The following CSTPP1 variants were observed in gnomAD, a reference collection of about 807,000 sequenced individuals.
The protein encoded by CSTPP1 is centriolar satellite-associated tubulin polyglutamylase complex regulator 1.
At chr11:47,016,877 C>G in the CSTPP1 span, among the ~76,000 whole-genome samples, 21 of 122,886 alleles carry the variant, frequency 1.7e-4, no homozygotes, top group Admixed American at 2.3e-3. Context: ...GAGTCTCGCT[C>G]TGTCGCCCAG....
the CSTPP1 span, chr11:46,987,267 G>C: frequency 5.0e-6 from 8 of 1,614,188 alleles, no homozygotes; most frequent in South Asian, 8.8e-5. Context: ...AGAAAACAGG[G>C]AAGATATTAG....
chr11:47,161,304 G>A, the CSTPP1 span: 3 of 1,598,140 alleles, frequency 1.9e-6, no homozygotes, highest in East Asian at 4.5e-5. Context: ...ATCTGCCAGG[G>A]AAGGGTCTGG....
At chr11:47,002,400 G>A in the CSTPP1 span, among the ~76,000 whole-genome samples, 5 of 152,188 alleles carry the variant, frequency 3.3e-5, no homozygotes. Context: ...TAAAAATCCA[G>A]GGTCATTGAG....
the CSTPP1 span, among the ~76,000 whole-genome samples, chr11:47,005,169 A>G: frequency 6.6e-6 from 1 of 152,198 alleles, no homozygotes; most frequent in East Asian, 1.9e-4. Flanking sequence ...CAGAAAATTG[A>G]TGTAAAAACT....
chr11:47,031,991 C>T, the CSTPP1 span, among the ~76,000 whole-genome samples: 45 of 152,060 alleles, frequency 3.0e-4, no homozygotes, highest in Admixed American at 2.6e-4. Context: ...TCTCTTTTCA[C>T]ATTTTTCTGC....
At chr11:46,966,553 A>G in the CSTPP1 span, among the ~76,000 whole-genome samples, 2 of 152,188 alleles carry the variant, frequency 1.3e-5, no homozygotes, top group African/African-American at 4.8e-5. Context: ...TTTCTGCCAA[A>G]TACCCAAGTC....
At chr11:47,128,204 G>GT in the CSTPP1 span, among the ~76,000 whole-genome samples, 2 of 151,742 alleles carry the variant, frequency 1.3e-5, no homozygotes, top group African/African-American at 4.8e-5. Flanking sequence ...ATTGCACTAT[G>GT]TAAGACCCAC....
chr11:47,142,257 AG>A, the CSTPP1 span, among the ~76,000 whole-genome samples: 1 of 137,326 alleles, frequency 7.3e-6, no homozygotes, highest in Admixed American at 7.3e-5. Context: ...AAAAAAAAAA[AG>A]TGTTTTTTTT....
chr11:47,074,686 A>C, the CSTPP1 span, among the ~76,000 whole-genome samples: 2 of 152,234 alleles, frequency 1.3e-5, no homozygotes, highest in Admixed American at 6.5e-5. Flanking sequence ...TAAATGCTGT[A>C]GCCATGTAAG....
the CSTPP1 span, among the ~76,000 whole-genome samples, chr11:47,065,805 G>A: frequency 1.1e-4 from 17 of 151,796 alleles, no homozygotes; most frequent in South Asian, 2.1e-4. Context: ...GTGTAGTGGC[G>A]TGATCTCGGT....
chr11:47,078,929 T>A, the CSTPP1 span, among the ~76,000 whole-genome samples: 4 of 152,134 alleles, frequency 2.6e-5, no homozygotes, highest in African/African-American at 9.7e-5. Context: ...ATAAAGCCAA[T>A]CAATATGGTT....
the CSTPP1 span, among the ~76,000 whole-genome samples, chr11:46,941,341 TTTTTTTC>T: frequency 6.6e-6 from 1 of 152,124 alleles, no homozygotes; most frequent in African/African-American, 2.4e-5. Context: ...CCCTCAATTT[TTTTTTTC>T]TTTTTTCTTG....
At chr11:47,093,935 G>A in the CSTPP1 span, among the ~76,000 whole-genome samples, 2 of 152,190 alleles carry the variant, frequency 1.3e-5, no homozygotes, top group Admixed American at 6.5e-5. Context: ...GAAGGAACCA[G>A]GGATGTTAAA....
chr11:47,063,758 G>A, the CSTPP1 span, among the ~76,000 whole-genome samples: 2,235 of 151,992 alleles, frequency 0.015, 55 homozygotes, highest in African/African-American at 0.051. Context: ...CTACATTTTC[G>A]CTGTTGTAAG....
chr11:47,114,615 T>C, the CSTPP1 span, among the ~76,000 whole-genome samples: 2 of 152,226 alleles, frequency 1.3e-5, no homozygotes, highest in Non-Finnish European at 2.9e-5. Context: ...AGTTCACTCA[T>C]GATTTGGCTC....
At chr11:46,977,918 G>A in the CSTPP1 span, among the ~76,000 whole-genome samples, 1 of 152,200 alleles carries the variant, frequency 6.6e-6, no homozygotes, top group Non-Finnish European at 1.5e-5. Flanking sequence ...GCAACAGAAA[G>A]AGTAGTTGAG....
the CSTPP1 span, among the ~76,000 whole-genome samples, chr11:47,018,855 C>G: frequency 1.3e-5 from 2 of 152,036 alleles, no homozygotes; most frequent in Non-Finnish European, 2.9e-5. Flanking sequence ...AAACTTTTGC[C>G]CATTTTTAAA....
the CSTPP1 span, among the ~76,000 whole-genome samples, chr11:47,082,822 A>C: frequency 2.0e-5 from 3 of 152,150 alleles, no homozygotes; most frequent in African/African-American, 7.2e-5. Flanking sequence ...TATAGATAGA[A>C]TCATACAATA....
At chr11:47,096,244 A>G in the CSTPP1 span, among the ~76,000 whole-genome samples, 2 of 152,224 alleles carry the variant, frequency 1.3e-5, no homozygotes, top group Non-Finnish European at 2.9e-5. Flanking sequence ...CCATTTTTAA[A>G]TATACAATTC....
Sources: gnomAD v4.1 joint callset for allele counts (sites outside exome capture counted in the v4.1 genomes callset) on GRCh38, gnomAD v4.1.1 for gene constraint, MANE v1.5 for transcripts, NCBI Gene and HGNC (gene_info 2026-07-23, HGNC 2026-07-21) for gene names.